The following TAFA2 variants were observed in gnomAD, a reference collection of about 807,000 sequenced individuals.
TAFA2 encodes chemokine-like protein TAFA-2.
TAFA2 carries 7 observed loss-of-function variants against 18.8 expected under a neutral mutation model. That is an observed-to-expected ratio of 0.37 (90% confidence interval 0.21 to 0.70). The LOEUF (loss-of-function observed/expected upper bound fraction) is 0.70, where lower values mean the gene tolerates loss of function less well. Ranked by LOEUF, TAFA2 falls within the 30% of genes least tolerant of loss-of-function variation. The pLI is 0.53. For missense variants in TAFA2, 122 were observed against 158.1 expected (o/e 0.77, Z 1.23); for synonymous variants, 60 against 54.2 (o/e 1.11, Z -0.47).
At chr12:61,958,755 C>T (rs977607243) in intron 1 of TAFA2, among the ~76,000 whole-genome samples, 3 of 151,866 alleles carry the variant, frequency 2.0e-5, no homozygotes, top group Admixed American at 1.3e-4. Flanking sequence ...ACTCTGTTTT[C>T]GGTATGGGTT....
At chr12:62,150,760 G>A (rs757892759) in intron 1 of TAFA2, among the ~76,000 whole-genome samples, 31 of 151,892 alleles carry the variant, frequency 2.0e-4, no homozygotes, top group Non-Finnish European at 3.2e-4. Context: ...CAAAAACTTC[G>A]CCAGGCATGG....
At chr12:61,816,914 A>C (rs1872111040) in intron 2 of TAFA2, among the ~76,000 whole-genome samples, 1 of 151,300 alleles carries the variant, frequency 6.6e-6, no homozygotes, top group African/African-American at 2.5e-5. Context: ...TCTGGCACTA[A>C]GACAGCCAGA....
chr12:62,120,890 T>C (rs187109519), intron 1 of TAFA2, among the ~76,000 whole-genome samples: 47 of 152,074 alleles, frequency 3.1e-4, no homozygotes, highest in African/African-American at 1.1e-3. Context: ...AGTTTCGCTC[T>C]TATTGCCCAC....
chr12:62,011,471 C>T (rs1029164687), intron 1 of TAFA2, among the ~76,000 whole-genome samples: 1 of 152,134 alleles, frequency 6.6e-6, no homozygotes, highest in Admixed American at 6.5e-5. Context: ...CTCTCTGAAA[C>T]ATGTGCTGTG....
chr12:62,065,397 GA>G (rs1284926635), intron 1 of TAFA2, among the ~76,000 whole-genome samples: 1 of 151,924 alleles, frequency 6.6e-6, no homozygotes, highest in Non-Finnish European at 1.5e-5. Flanking sequence ...AGGATTCTGT[GA>G]ATAAACAATG....
At chr12:62,037,154 A>G (rs527729015) in intron 1 of TAFA2, among the ~76,000 whole-genome samples, 2 of 152,360 alleles carry the variant, frequency 1.3e-5, no homozygotes, top group African/African-American at 4.8e-5. Flanking sequence ...TATTTTGCTT[A>G]GTGCCTCTAC....
At chr12:61,879,437 G>C (rs187406203) in intron 1 of TAFA2, 65 of 697,444 alleles carry the variant, frequency 9.3e-5, no homozygotes, top group Non-Finnish European at 1.6e-4. Flanking sequence ...AGCTTCTCCC[G>C]AGTGGGCAGC....
intron 1 of TAFA2, 97 bp from the exon 2 acceptor site, chr12:61,867,523 C>T (rs1874410976): frequency 3.0e-6 from 2 of 677,022 alleles, no homozygotes; most frequent in Admixed American, 2.7e-5. Context: ...ATACTTTAAC[C>T]CCTTCAACTT....
At chr12:62,009,521 T>G (rs1284780441) in intron 1 of TAFA2, among the ~76,000 whole-genome samples, 1 of 152,168 alleles carries the variant, frequency 6.6e-6, no homozygotes, top group African/African-American at 2.4e-5. Context: ...TGAAACGCTC[T>G]CAAAGAAAAG....
rs141027297 is a variant in TAFA2, at chr12:62,120,215, C to G, written c.-2+71044G>C. Among the ~76,000 whole-genome samples the G allele has an allele frequency of 1.9e-3, 293 of 152,184 alleles. 1 individual carries two copies. The highest frequency in any genetic ancestry group is 6.5e-3 in the African/African-American group (271 of 41,540). On this transcript the variant is annotated intron_variant, in intron 1 of 4. Coordinates refer to ENST00000416284, the MANE Select transcript of TAFA2 (RefSeq NM_178539.5). ...TATAATCAGGGAGCCATAAATAAAT[C>G]TAAAATAGGCCCATCTATGTCGTTC...
Position 61,947,341 on chromosome 12 carries a change from A to T in TAFA2, c.-1-79915T>A, listed in dbSNP as rs1878309718. ...GGGAGGGGGGAGGGATAGCATTGGG[A>T]GATATACCTAATGCTAGATGACGAG... is the stretch of plus-strand genomic sequence containing the variant. On this transcript the variant is annotated intron_variant, in intron 1 of 4. Transcript: ENST00000416284. Among the ~76,000 whole-genome samples the T allele has an allele frequency of 2.7e-5, 4 of 148,144 alleles. No homozygotes were observed. The South Asian group carries it at 8.7e-4, about 32-fold the overall frequency.
intron 2 of TAFA2, among the ~76,000 whole-genome samples, chr12:61,861,313 G>A (rs1178564789): frequency 4.0e-5 from 6 of 149,058 alleles, no homozygotes; most frequent in Non-Finnish European, 8.9e-5. Context: ...TCAGGCTGGA[G>A]TGCAATGGCA....
chr12:61,939,941 A>T (rs936837690), intron 1 of TAFA2, among the ~76,000 whole-genome samples: 2 of 152,226 alleles, frequency 1.3e-5, no homozygotes, highest in Non-Finnish European at 2.9e-5. Context: ...ACAGAGAAAC[A>T]TGACAATAGA....
intron 1 of TAFA2, among the ~76,000 whole-genome samples, chr12:61,907,907 G>C (rs1204466722): frequency 6.6e-6 from 1 of 152,164 alleles, no homozygotes; most frequent in African/African-American, 2.4e-5. Context: ...TTTTGGGCTT[G>C]CATGAGGCCT....
chr12:61,928,425 T>C (rs181438178), intron 1 of TAFA2, among the ~76,000 whole-genome samples: 1 of 149,406 alleles, frequency 6.7e-6, no homozygotes, highest in Non-Finnish European at 1.5e-5. Flanking sequence ...GAGCTCATCA[T>C]CAGTGGTCAT....
At chr12:62,061,811 T>C (rs1342131057) in intron 1 of TAFA2, among the ~76,000 whole-genome samples, 2 of 152,136 alleles carry the variant, frequency 1.3e-5, no homozygotes, top group Non-Finnish European at 2.9e-5. Context: ...GATCAGACTA[T>C]TTTTTTACTT....
chr12:61,897,752 G>A (rs74738728), intron 1 of TAFA2, among the ~76,000 whole-genome samples: 1 of 151,914 alleles, frequency 6.6e-6, no homozygotes, highest in Admixed American at 6.6e-5. Flanking sequence ...CCAAACCATA[G>A]CATACTGCCC....
intron 4 of TAFA2, among the ~76,000 whole-genome samples, chr12:61,740,419 A>G (rs1051729202): frequency 2.0e-5 from 3 of 151,898 alleles, no homozygotes; most frequent in African/African-American, 7.3e-5. Flanking sequence ...CCACCGTGGC[A>G]CGTGTATACC....
chr12:62,133,427 G>T (rs1469191203), intron 1 of TAFA2, among the ~76,000 whole-genome samples: 1 of 151,572 alleles, frequency 6.6e-6, no homozygotes, highest in Non-Finnish European at 1.5e-5. Context: ...CTTTCCTTTT[G>T]GATAATGTAG....
Sources: gnomAD v4.1 joint callset for allele counts (sites outside exome capture counted in the v4.1 genomes callset) on GRCh38, gnomAD v4.1.1 for gene constraint, MANE v1.5 for transcripts, NCBI Gene and HGNC (gene_info 2026-07-23, HGNC 2026-07-21) for gene names.